The following SLC5A4 variants were observed in gnomAD, a reference collection of about 807,000 sequenced individuals.
SLC5A4 encodes the protein probable glucose sensor protein SLC5A4.
Under a neutral mutation model 70.3 loss-of-function variants are expected in SLC5A4, and 55 were observed. The observed-to-expected ratio is 0.78, with a 90% CI of 0.63 to 0.98. SLC5A4 has a LOEUF of 0.98. Ranked by LOEUF, SLC5A4 falls within the 50% of genes least tolerant of loss-of-function variation. The pLI, the probability that SLC5A4 is intolerant of heterozygous loss-of-function variation, is 0.00. For missense variants in SLC5A4, 735 were observed against 839.2 expected, an observed-to-expected ratio of 0.88 and a Z score of 1.53; for synonymous variants, 268 against 305.7, an observed-to-expected ratio of 0.88 and a Z score of 1.29.
chr22:32,333,880 T>TAC, the SLC5A4 span, among the ~76,000 whole-genome samples: 5 of 142,542 alleles, frequency 3.5e-5, 1 homozygote, highest in Admixed American at 3.5e-4. Context: ...ACAATACACA[T>TAC]ACACACACAC....
At chr22:32,309,475 G>A in the SLC5A4 span, among the ~76,000 whole-genome samples, 18 of 152,220 alleles carry the variant, frequency 1.2e-4, no homozygotes, top group East Asian at 2.9e-3. Context: ...GCTAAAAACC[G>A]GTAACTCTAG....
chr22:32,272,033 C>T, the SLC5A4 span: 1 of 632,376 alleles, frequency 1.6e-6, no homozygotes, highest in South Asian at 1.8e-5. Context: ...TCCAGTTCAT[C>T]TCCCTAGTCT....
the SLC5A4 span, chr22:32,276,907 T>C: frequency 6.6e-6 from 1 of 152,208 alleles, no homozygotes; most frequent in Non-Finnish European, 1.5e-5. Context: ...ATTTGTATTC[T>C]GATTCTAGGT....
Position 32,220,924 on chromosome 22 carries a change from T to A in SLC5A4, c.1764A>T (p.Glu588Asp). 1 of 1,602,358 alleles carries A rather than the reference T, an allele frequency of 6.2e-7. No individual in the cohort carries two copies. The highest frequency in any genetic ancestry group is 8.6e-7 in the Non-Finnish European group (1 of 1,169,298). Residue 588 changes from glutamate to aspartate, a missense_variant, in exon 14 of 15, where the codon GAA becomes GAT. By Grantham distance (45) the Glu-to-Asp change is conservative. Coordinates refer to ENST00000266086, the MANE Select transcript of SLC5A4 (RefSeq NM_014227.3). ...KSQEETDDGV[E>D]EDYPEKSRGC... is the part of the protein sequence containing the mutation. The stretch of plus-strand genomic sequence containing the variant: ...CAAATGTAAACCAAATATTACCTTC[T>A]TCAACACCATCATCTGTTTCTTCCT...
chr22:32,256,939 T>G (rs909099342), upstream of SLC5A4, among the ~76,000 whole-genome samples: 17 of 152,232 alleles, frequency 1.1e-4, no homozygotes, highest in African/African-American at 4.1e-4. Context: ...TATGTAGAAG[T>G]GGAATTGCAT....
the SLC5A4 span, among the ~76,000 whole-genome samples, chr22:32,314,609 T>C: frequency 2.0e-5 from 3 of 151,964 alleles, no homozygotes; most frequent in African/African-American, 7.3e-5. Context: ...GATGGGCAGA[T>C]GATTTTTTTA....
chr22:32,271,985 T>C, the SLC5A4 span: 1 of 610,602 alleles, frequency 1.6e-6, no homozygotes, highest in Admixed American at 2.3e-5. Flanking sequence ...TTGAGAGAGA[T>C]GAGCAGTGCA....
At chr22:32,336,529 G>A in the SLC5A4 span, among the ~76,000 whole-genome samples, 1 of 152,216 alleles carries the variant, frequency 6.6e-6, no homozygotes, top group Non-Finnish European at 1.5e-5. Context: ...TAAGATGCCC[G>A]CTGCAGGCAG....
chr22:32,224,554 A>G (rs1216962062), intron 12 of SLC5A4, 72 bp from the exon 13 acceptor site: 2 of 1,225,822 alleles, frequency 1.6e-6, no homozygotes, highest in South Asian at 1.3e-5. Flanking sequence ...AGTCATCATT[A>G]TAATCCTGCC....
At chr22:32,328,164 C>T in the SLC5A4 span, among the ~76,000 whole-genome samples, 1 of 152,084 alleles carries the variant, frequency 6.6e-6, no homozygotes, top group East Asian at 1.9e-4. Context: ...CAACTGTTGA[C>T]TTTTCCCTTC....
the SLC5A4 span, among the ~76,000 whole-genome samples, chr22:32,320,933 T>A: frequency 6.6e-6 from 1 of 152,294 alleles, no homozygotes; most frequent in South Asian, 2.1e-4. Context: ...CGGGAGCTGG[T>A]CTTCAGGGGC....
the SLC5A4 span, among the ~76,000 whole-genome samples, chr22:32,294,686 T>A: frequency 7.2e-6 from 1 of 138,390 alleles, no homozygotes; most frequent in African/African-American, 2.6e-5. Context: ...TATTATACTT[T>A]AAGTTTTAGG....
chr22:32,340,671 CGGAGGG>C, the SLC5A4 span, among the ~76,000 whole-genome samples: 7 of 152,026 alleles, frequency 4.6e-5, no homozygotes, highest in Admixed American at 4.6e-4. Flanking sequence ...GCTGGTATCC[CGGAGGG>C]GAGAGGTCTG....
the SLC5A4 span, among the ~76,000 whole-genome samples, chr22:32,305,021 G>A: frequency 8.5e-5 from 13 of 152,236 alleles, no homozygotes; most frequent in African/African-American, 3.1e-4. Context: ...CTCTGTCAAA[G>A]ATCAGTTGAC....
the SLC5A4 span, among the ~76,000 whole-genome samples, chr22:32,314,526 T>C: frequency 6.6e-6 from 1 of 152,192 alleles, no homozygotes; most frequent in East Asian, 1.9e-4. Context: ...ATAGTTCCCA[T>C]GACCCCTTCT....
In SLC5A4 at chr22:32,238,307, G is replaced by A. The variant is rs551417808; in HGVS notation, c.583+678C>T. 2.0e-5 allele frequency among the ~76,000 whole-genome samples: 3 copies of A among 152,202 alleles called. No homozygotes were observed. The South Asian group carries it at 6.2e-4, about 32-fold the overall frequency. ...TGGTTTGCAATCCCTCACTATTCCC[G>A]AAGAAACTCCTCATTTTGGAGAGTT... is the stretch of plus-strand genomic sequence containing the variant. On this transcript the variant is annotated intron_variant, in intron 6 of 14. Coordinates refer to ENST00000266086, the MANE Select transcript of SLC5A4 (RefSeq NM_014227.3).
the SLC5A4 span, among the ~76,000 whole-genome samples, chr22:32,266,013 G>C: frequency 6.6e-6 from 1 of 152,280 alleles, no homozygotes; most frequent in East Asian, 1.9e-4. Flanking sequence ...GATTTGCCTT[G>C]GGGCAAAAGG....
chr22:32,353,797 G>A, the SLC5A4 span, among the ~76,000 whole-genome samples: 2 of 146,490 alleles, frequency 1.4e-5, no homozygotes, highest in Non-Finnish European at 3.0e-5. Flanking sequence ...GCTCCCTGCC[G>A]TACACAGTGT....
the SLC5A4 span, among the ~76,000 whole-genome samples, chr22:32,342,243 TCAAAGAACA>T: frequency 6.6e-6 from 1 of 152,188 alleles, no homozygotes; most frequent in Non-Finnish European, 1.5e-5. Flanking sequence ...CCTTTTGATT[TCAAAGAACA>T]CAAAAAAATT....
Sources: gnomAD v4.1 joint callset for allele counts (sites outside exome capture counted in the v4.1 genomes callset) on GRCh38, gnomAD v4.1.1 for gene constraint, MANE v1.5 for transcripts, NCBI Gene and HGNC (gene_info 2026-07-23, HGNC 2026-07-21) for gene names.